AGBL4: variants seen among roughly 807,000 people sequenced by gnomAD.
AGBL4 encodes the protein AGBL carboxypeptidase 4.
AGBL4 carries 58 observed loss-of-function variants against 66.4 expected under a neutral mutation model. That is an observed-to-expected ratio of 0.87 (90% CI 0.71 to 1.09). The LOEUF (loss-of-function observed/expected upper bound fraction) is 1.09. AGBL4 is among the 50% of genes least tolerant of loss of function. AGBL4 has a pLI of 0.00. For synonymous variants in AGBL4, 234 were observed against 222.9 expected (o/e 1.05, Z -0.44); for missense variants, 579 against 631.0 (o/e 0.92, Z 0.88).
intron 3 of AGBL4, among the ~76,000 whole-genome samples, chr1:49,633,140 C>T (rs991122614): frequency 1.7e-5 from 2 of 118,664 alleles, no homozygotes; most frequent in Non-Finnish European, 3.7e-5. Flanking sequence ...ATACCAAAAA[C>T]AGATCTACAC....
chr1:48,566,840 G>T (rs1177202693), intron 11 of AGBL4, among the ~76,000 whole-genome samples: 1 of 152,192 alleles, frequency 6.6e-6, no homozygotes, highest in Non-Finnish European at 1.5e-5. Flanking sequence ...TGCCAAAATT[G>T]CATGAAGGCT....
At chr1:50,015,049 G>A (rs1661876842) in intron 1 of AGBL4, among the ~76,000 whole-genome samples, 2 of 152,138 alleles carry the variant, frequency 1.3e-5, no homozygotes, top group Admixed American at 6.5e-5. Flanking sequence ...CATTCTAAGT[G>A]AGCATTATTC....
chr1:48,682,149 C>T (rs1646465268), intron 6 of AGBL4, among the ~76,000 whole-genome samples: 1 of 152,160 alleles, frequency 6.6e-6, no homozygotes, highest in Non-Finnish European at 1.5e-5. Flanking sequence ...AGGGCTGAGG[C>T]CCAGAAGAAA....
intron 6 of AGBL4, among the ~76,000 whole-genome samples, chr1:48,692,125 TC>T (rs1419406426): frequency 2.6e-5 from 4 of 152,142 alleles, no homozygotes; most frequent in African/African-American, 9.7e-5. Context: ...GTTACCTCCC[TC>T]CCATTCAAAG....
chr1:48,916,882 A>G (rs1353547840), intron 5 of AGBL4, among the ~76,000 whole-genome samples: 2 of 152,236 alleles, frequency 1.3e-5, no homozygotes, highest in Non-Finnish European at 2.9e-5. Context: ...TGCAAAGAAA[A>G]GAGGTTGGTA....
chr1:49,537,120 C>A (rs1651656539), intron 3 of AGBL4, among the ~76,000 whole-genome samples: 1 of 152,004 alleles, frequency 6.6e-6, no homozygotes, highest in East Asian at 1.9e-4. Context: ...GGACCCCTAT[C>A]TCTCACCGTA....
chr1:48,737,309 G>A (rs1649228991), intron 6 of AGBL4, among the ~76,000 whole-genome samples: 1 of 151,370 alleles, frequency 6.6e-6, no homozygotes, highest in South Asian at 2.1e-4. Flanking sequence ...AAAAAGAAAA[G>A]AAAAAAAAAT....
chr1:48,576,763 C>T (rs574664656), intron 11 of AGBL4, among the ~76,000 whole-genome samples: 1 of 152,314 alleles, frequency 6.6e-6, no homozygotes, highest in South Asian at 2.1e-4. Flanking sequence ...GAAAGGCCAA[C>T]ACCTCCTTAC....
At chr1:49,077,073 C>T (rs1323215060) in intron 4 of AGBL4, among the ~76,000 whole-genome samples, 8 of 149,538 alleles carry the variant, frequency 5.3e-5, no homozygotes, top group South Asian at 2.2e-4. Flanking sequence ...ACATCCATAT[C>T]GCTTCAGTGA....
At chr1:48,618,690 A>G (rs1359888706) in intron 9 of AGBL4, among the ~76,000 whole-genome samples, 1 of 152,176 alleles carries the variant, frequency 6.6e-6, no homozygotes, top group East Asian at 1.9e-4. Flanking sequence ...GGAACAGGAG[A>G]CATCCTAAGG....
At chr1:49,979,771 AAT>A (rs2148381935) in intron 1 of AGBL4, among the ~76,000 whole-genome samples, 1 of 152,318 alleles carries the variant, frequency 6.6e-6, no homozygotes, top group Non-Finnish European at 1.5e-5. Context: ...ATAAACTTTG[AAT>A]AACAACACAG....
At chr1:50,021,165 C>T (rs1662416581) in intron 1 of AGBL4, among the ~76,000 whole-genome samples, 1 of 152,176 alleles carries the variant, frequency 6.6e-6, no homozygotes, top group African/African-American at 2.4e-5. Context: ...ATTCAGTCTA[C>T]TGAGTATTCC....
chr1:49,262,741 G>T (rs1425859329), intron 3 of AGBL4, among the ~76,000 whole-genome samples: 1 of 152,202 alleles, frequency 6.6e-6, no homozygotes, highest in East Asian at 1.9e-4. Flanking sequence ...GTGGAGGTCA[G>T]TGTGGCGATT....
chr1:48,797,754 C>G (rs1346132377), intron 6 of AGBL4, among the ~76,000 whole-genome samples: 1 of 152,060 alleles, frequency 6.6e-6, no homozygotes, highest in Non-Finnish European at 1.5e-5. Context: ...ACCATGTTGG[C>G]CAGGCTGGAC....
chr1:48,526,108 G>T, the AGBL4 span, among the ~76,000 whole-genome samples: 1 of 152,280 alleles, frequency 6.6e-6, no homozygotes, highest in African/African-American at 2.4e-5. Context: ...AAAGGAGACC[G>T]CCTAAAGCAA....
intron 6 of AGBL4, among the ~76,000 whole-genome samples, chr1:48,785,178 C>A (rs2148722915): frequency 6.6e-6 from 1 of 152,266 alleles, no homozygotes; most frequent in Non-Finnish European, 1.5e-5. Context: ...TTATAGTTTT[C>A]TTCATGGAGT....
intron 5 of AGBL4, among the ~76,000 whole-genome samples, chr1:48,960,097 C>T (rs1158940777): frequency 6.6e-6 from 1 of 152,028 alleles, no homozygotes; most frequent in African/African-American, 2.4e-5. Context: ...AGTTAGTAGG[C>T]TATTTCAAGA....
intron 3 of AGBL4, among the ~76,000 whole-genome samples, chr1:49,603,927 TATACACACACAC>T (rs1645014334): frequency 2.8e-5 from 3 of 107,642 alleles, no homozygotes; most frequent in East Asian, 5.1e-4. Flanking sequence ...TATTCCATGG[TATACACACACAC>T]ACACACACAC....
chr1:49,434,247 G>T (rs561327407), intron 3 of AGBL4, among the ~76,000 whole-genome samples: 2 of 150,368 alleles, frequency 1.3e-5, no homozygotes, highest in South Asian at 4.3e-4. Flanking sequence ...GGATTGATAA[G>T]AAATCAATCC....
Sources: allele counts gnomAD v4.1 joint callset (sites outside exome capture counted in the v4.1 genomes callset), GRCh38; gene constraint gnomAD v4.1.1; transcripts MANE v1.5; gene names NCBI Gene and HGNC (gene_info 2026-07-23, HGNC 2026-07-21).